The following NBDY variants were observed in gnomAD, a reference collection of about 807,000 sequenced individuals.
NBDY encodes P-body dissociating protein.
At chrX:56,735,051 T>C (rs1323483504) in intron 2 of NBDY, among the ~76,000 whole-genome samples, 3 of 112,141 alleles carry the variant, frequency 2.7e-5, no homozygotes, top group Non-Finnish European at 5.6e-5. Context: ...CACTCTACCA[T>C]TCTGTCTACA....
intron 2 of NBDY, among the ~76,000 whole-genome samples, chrX:56,753,886 A>G (rs2069597812): frequency 9.0e-6 from 1 of 111,305 alleles, no homozygotes; most frequent in Non-Finnish European, 1.9e-5. Flanking sequence ...CAGAAAAAAG[A>G]TTGTAGTGGA....
At chrX:56,746,032 C>T (rs749133584) in intron 2 of NBDY, among the ~76,000 whole-genome samples, 1 of 111,312 alleles carries the variant, frequency 9.0e-6, no homozygotes, top group East Asian at 2.8e-4. Context: ...TAATTTGCAC[C>T]ATATTCCATG....
chrX:56,806,391 C>A (rs1318984568), intron 2 of NBDY, among the ~76,000 whole-genome samples: 1 of 111,881 alleles, frequency 8.9e-6, no homozygotes, highest in Non-Finnish European at 1.9e-5. Context: ...TGAAGAATTG[C>A]CACACTGTCT....
At chrX:56,761,968 G>A (rs907132589) in intron 2 of NBDY, among the ~76,000 whole-genome samples, 2 of 111,938 alleles carry the variant, frequency 1.8e-5, no homozygotes, top group Non-Finnish European at 3.8e-5. Flanking sequence ...GCGGTTTGCA[G>A]ATGACATCCA....
chrX:56,762,490 G>A (rs2069642827), intron 2 of NBDY, among the ~76,000 whole-genome samples: 1 of 111,284 alleles, frequency 9.0e-6, no homozygotes, highest in African/African-American at 3.3e-5. Context: ...GAAAGGAGCA[G>A]AGATGAAGGT....
intron 2 of NBDY, among the ~76,000 whole-genome samples, chrX:56,767,909 A>G (rs2069676018): frequency 1.6e-5 from 1 of 61,782 alleles, no homozygotes; most frequent in Admixed American, 2.0e-4. Context: ...GACTGAAGCG[A>G]GACGAGAGAG....
intron 2 of NBDY, among the ~76,000 whole-genome samples, chrX:56,753,937 T>C (rs748123586): frequency 9.0e-6 from 1 of 111,134 alleles, no homozygotes; most frequent in South Asian, 3.8e-4. Context: ...TGGGTGAAGA[T>C]AGGGAAGACA....
At chrX:56,812,610 A>T (rs1333350065) in intron 2 of NBDY, among the ~76,000 whole-genome samples, 4 of 110,505 alleles carry the variant, frequency 3.6e-5, no homozygotes, top group African/African-American at 1.3e-4. Context: ...AGAGCCCTTG[A>T]TCCCACTCAG....
chrX:56,731,486 G>T (rs1273142325), intron 1 of NBDY, among the ~76,000 whole-genome samples: 1 of 109,192 alleles, frequency 9.2e-6, no homozygotes, highest in African/African-American at 3.3e-5. Context: ...TAGGAGAATC[G>T]CTTGAATCCA....
intron 2 of NBDY, among the ~76,000 whole-genome samples, chrX:56,815,370 T>C (rs745450916): frequency 8.9e-6 from 1 of 111,878 alleles, no homozygotes; most frequent in Non-Finnish European, 1.9e-5. Flanking sequence ...TTTGGATTAC[T>C]AAATTCTTAA....
At chrX:56,758,436 A>G (rs1192941584) in intron 2 of NBDY, among the ~76,000 whole-genome samples, 2 of 111,512 alleles carry the variant, frequency 1.8e-5, no homozygotes, top group Non-Finnish European at 3.8e-5. Context: ...ATGGGGCAGG[A>G]CAGGACGAGA....
At chrX:56,814,021 T>A (rs1177668362) in intron 2 of NBDY, among the ~76,000 whole-genome samples, 1 of 111,859 alleles carries the variant, frequency 8.9e-6, no homozygotes, top group Non-Finnish European at 1.9e-5. Context: ...TTAACATAAT[T>A]GGTATCAGTT....
chrX:56,781,928 T>G (rs780026581), intron 2 of NBDY, among the ~76,000 whole-genome samples: 1 of 111,928 alleles, frequency 8.9e-6, no homozygotes, highest in South Asian at 3.8e-4. Flanking sequence ...TTTGTAGACT[T>G]TGGGCTTGGT....
intron 2 of NBDY, among the ~76,000 whole-genome samples, chrX:56,794,297 C>T (rs749976487): frequency 1.2e-3 from 131 of 112,205 alleles, no homozygotes; most frequent in Admixed American, 3.8e-3. Context: ...TCAGAAACAC[C>T]TTCTGCTGGA....
chrX:56,765,198 C>T (rs1436488173), intron 2 of NBDY, among the ~76,000 whole-genome samples: 1 of 111,964 alleles, frequency 8.9e-6, no homozygotes, highest in African/African-American at 3.3e-5. Flanking sequence ...TCTAGCTGAC[C>T]CCTGCGAGGA....
intron 2 of NBDY, among the ~76,000 whole-genome samples, chrX:56,751,534 C>A (rs2069585618): frequency 9.0e-6 from 1 of 111,704 alleles, no homozygotes; most frequent in Admixed American, 9.5e-5. Flanking sequence ...TGGTATAAGT[C>A]ATAGTAAAGT....
intron 2 of NBDY, among the ~76,000 whole-genome samples, chrX:56,767,517 C>T (rs2069672856): frequency 8.9e-6 from 1 of 112,716 alleles, no homozygotes; most frequent in Admixed American, 9.3e-5. Flanking sequence ...GTAACACGAG[C>T]TACTCGCCGC....
chrX:56,732,474 G>A (rs1185702768), intron 2 of NBDY, among the ~76,000 whole-genome samples: 1 of 111,503 alleles, frequency 9.0e-6, no homozygotes, highest in Non-Finnish European at 1.9e-5. Flanking sequence ...ATGGGAACAT[G>A]ATTGATATTT....
intron 2 of NBDY, among the ~76,000 whole-genome samples, chrX:56,751,032 TAA>T (rs1434671508): frequency 9.0e-6 from 1 of 111,648 alleles, no homozygotes; most frequent in Non-Finnish European, 1.9e-5. Context: ...TGATAATGTC[TAA>T]AGTCTTAGCA....
Sources: allele counts gnomAD v4.1 joint callset (sites outside exome capture counted in the v4.1 genomes callset), GRCh38; gene constraint gnomAD v4.1.1; transcripts MANE v1.5; gene names NCBI Gene and HGNC (gene_info 2026-07-23, HGNC 2026-07-21).